GBF1: variants seen among roughly 807,000 people sequenced by gnomAD.
GBF1 encodes the protein Golgi-specific brefeldin A-resistance guanine nucleotide exchange factor 1.
A neutral mutation model predicts 210.5 loss-of-function variants in GBF1; 114 were observed. The observed-to-expected ratio is 0.54, with a 90% CI of 0.47 to 0.63. The LOEUF is 0.63. Among genes scored for constraint, GBF1 ranks in the 30% least tolerant of loss-of-function variants. The pLI is 0.00. For missense variants in GBF1, 1,851 were observed against 2,357.7 expected (o/e 0.79, Z 4.45); for synonymous variants, 850 against 889.2 (o/e 0.96, Z 0.78).
At chr10:102,241,854 G>C (rs1377613352), upstream of GBF1, among the ~76,000 whole-genome samples, 1 of 152,262 alleles carries the variant, frequency 6.6e-6, no homozygotes, top group East Asian at 1.9e-4. The surrounding 1 kb of genome is among the most constrained non-coding windows in gnomAD (Gnocchi z 6.7). Flanking sequence ...TGGCAGCGAA[G>C]TGGGTTGGGC....
At chr10:102,288,334 T>A (rs1390485421) in intron 3 of GBF1, among the ~76,000 whole-genome samples, 3 of 70,186 alleles carry the variant, frequency 4.3e-5, no homozygotes, top group Non-Finnish European at 7.7e-5. Context: ...AGATATATAA[T>A]GATATAATGA....
chr10:102,373,991 A>G (rs1589820358), intron 29 of GBF1, among the ~76,000 whole-genome samples: 1 of 152,224 alleles, frequency 6.6e-6, no homozygotes, highest in East Asian at 1.9e-4. Flanking sequence ...AGAAAAGCCA[A>G]TCTAAAAAGG....
intron 28 of GBF1, 99 bp from the exon 29 acceptor site, chr10:102,370,608 C>T (rs1237621313): frequency 3.0e-6 from 4 of 1,343,856 alleles, no homozygotes; most frequent in Non-Finnish European, 2.1e-6. Context: ...TACCTGTCTA[C>T]TTAGGGTATA....
intron 4 of GBF1, among the ~76,000 whole-genome samples, chr10:102,345,035 G>A (rs1051155451): frequency 6.6e-6 from 1 of 151,982 alleles, no homozygotes; most frequent in South Asian, 2.1e-4. Flanking sequence ...TGTAAGCCTA[G>A]CACTTTGGGT....
intron 3 of GBF1, among the ~76,000 whole-genome samples, chr10:102,286,973 A>G (rs1159748358): frequency 6.6e-6 from 1 of 152,120 alleles, no homozygotes; most frequent in Non-Finnish European, 1.5e-5. Context: ...GACTCTTCTG[A>G]TGGGGCCTTT....
intron 3 of GBF1, among the ~76,000 whole-genome samples, chr10:102,310,429 G>C (rs1477779331): frequency 6.6e-6 from 1 of 152,176 alleles, no homozygotes; most frequent in African/African-American, 2.4e-5. Context: ...GCCTGTATTA[G>C]TTGAGATTCC....
At chr10:102,339,424 T>C (rs1358725240) in intron 3 of GBF1, among the ~76,000 whole-genome samples, 2 of 150,622 alleles carry the variant, frequency 1.3e-5, no homozygotes, top group Non-Finnish European at 1.5e-5. Flanking sequence ...GCCAGCACTT[T>C]GGGAGGCTGA....
At chr10:102,367,390 T>G (rs2059973126) in intron 20 of GBF1, 88 bp from the exon 21 acceptor site, 1 of 1,148,952 alleles carries the variant, frequency 8.7e-7, no homozygotes, top group Non-Finnish European at 1.3e-6. Flanking sequence ...TACCTTTTCC[T>G]AAGTCCTATT....
intron 1 of GBF1, among the ~76,000 whole-genome samples, chr10:102,252,999 A>G (rs999673913): frequency 3.3e-5 from 5 of 151,968 alleles, no homozygotes; most frequent in African/African-American, 7.3e-5. Context: ...GGTTCAAGCA[A>G]TCCTCCTGCC....
Position 102,351,839 on chromosome 10 carries a change from A to G in GBF1, c.415-4A>G, listed in dbSNP as rs1292396810. ...TCACAGTAATTCCTTTTTCTTCCTG[A>G]TAGGTTCTACGGACTCTGCTGCTAA... On this transcript the variant is annotated splice_region_variant and splice_polypyrimidine_tract_variant and intron_variant, in intron 5 of 39. Transcript: ENST00000369983. The G allele has an allele frequency of 8.5e-6, 13 of 1,532,544 alleles. 1 individual carries two copies. The highest frequency in any genetic ancestry group is 1.2e-5 in the Non-Finnish European group (13 of 1,105,828). 94.9% of individuals were successfully genotyped at this position (1,532,544 alleles called of 1,614,324 possible).
At chr10:102,324,247 A>G (rs890454902) in intron 3 of GBF1, among the ~76,000 whole-genome samples, 3 of 152,170 alleles carry the variant, frequency 2.0e-5, no homozygotes, top group African/African-American at 7.2e-5. Flanking sequence ...GTCTTTTCTC[A>G]CACACTATGG....
In GBF1 at chr10:102,358,165, A is replaced by T; in HGVS notation, c.766A>T (p.Thr256Ser). 1 of 1,613,834 alleles carries T rather than the reference A, an allele frequency of 6.2e-7. No individual in the cohort carries two copies. Among genetic ancestry groups the T allele is most frequent in the Non-Finnish European group, 8.5e-7 (1 of 1,179,778 alleles). Residue 256 changes from threonine (T) to serine (S), a missense_variant, in exon 9 of 40, where the codon ACC (threonine) becomes TCC (serine). Thr to Ser is a moderately conservative substitution (Grantham distance 58, BLOSUM62 1). Around this residue, in one of 3 missense-constraint regions of GBF1, gnomAD observed 804 missense variants for 958.6 expected, o/e 0.84. Transcript: ENST00000369983. ...GSELPTPNGT[T>S]LSSNLTGGMP... The stretch of plus-strand genomic sequence containing the variant: ...AGAGCTGCCCACTCCCAATGGAACC[A>T]CCTTATCATCTAACCTCACTGGTGA...
At chr10:102,374,848 C>T (rs2060404731) in intron 29 of GBF1, among the ~76,000 whole-genome samples, 1 of 152,082 alleles carries the variant, frequency 6.6e-6, no homozygotes, top group Non-Finnish European at 1.5e-5. Context: ...TTTACAACTG[C>T]ATATGAGCCT....
chr10:102,382,333 C>A lies in GBF1; in HGVS notation c.5580C>A (p.Asn1860Lys). The A allele has an allele frequency of 6.2e-7, 1 of 1,604,804 alleles. No homozygotes were observed. The highest frequency in any genetic ancestry group is 8.5e-7 in the Non-Finnish European group (1 of 1,174,780). Residue 1860 changes from asparagine to lysine, a missense_variant, in exon 40 of 40, where the codon AAC becomes AAA. This residue lies in a region of GBF1 where 967 missense variants were observed against 1,247.7 expected (regional missense o/e 0.78). Transcript: ENST00000369983. ...ATCCCATACCCACCTCTGAGGTCAA[C>A]TAAGGCAGGTCACTCAGAGATCAGG... ...PTDPIPTSEV[N>K]
chr10:102,327,216 T>C (rs1436342298), intron 3 of GBF1, among the ~76,000 whole-genome samples: 2 of 152,212 alleles, frequency 1.3e-5, no homozygotes, highest in Non-Finnish European at 2.9e-5. Flanking sequence ...GCCACTGTGC[T>C]CTGGCAGCAG....
intron 3 of GBF1, among the ~76,000 whole-genome samples, chr10:102,294,069 T>C (rs1042492276): frequency 5.3e-5 from 8 of 151,912 alleles, no homozygotes. Flanking sequence ...TGAGCCACCA[T>C]GCCCGGGCTG....
rs1490211067 is a variant in GBF1, at chr10:102,370,187, A to G, written c.3353A>G (p.Glu1118Gly). 3 of 1,610,428 alleles carry G rather than the reference A, an allele frequency of 1.9e-6. No individual in the cohort carries two copies. Among genetic ancestry groups the G allele is most frequent in the Non-Finnish European group, 2.5e-6 (3 of 1,176,656 alleles). Residue 1118 changes from glutamate (E) to glycine (G), a missense_variant, in exon 27 of 40, where the codon GAA becomes GGA. Coordinates refer to ENST00000369983, the MANE Select transcript of GBF1 (RefSeq NM_001377137.1). ...ALECIKQCDP[E>G]KMITESKFLQ... ...TGCCCTCTCTAGCAATGTGACCCAG[A>G]AAAAATGATCACAGAAAGCAAGTTC...
intron 3 of GBF1, among the ~76,000 whole-genome samples, chr10:102,329,833 G>A (rs1187884788): frequency 6.6e-6 from 1 of 152,134 alleles, no homozygotes; most frequent in Non-Finnish European, 1.5e-5. Context: ...AATAGGCCAG[G>A]CACAGTGGCT....
At chr10:102,324,250 C>G (rs943944589) in intron 3 of GBF1, among the ~76,000 whole-genome samples, 6 of 152,180 alleles carry the variant, frequency 3.9e-5, no homozygotes, top group Non-Finnish European at 5.9e-5. Flanking sequence ...TTTTCTCACA[C>G]ACTATGGACG....
Sources: allele counts gnomAD v4.1 joint callset (sites outside exome capture counted in the v4.1 genomes callset), GRCh38; gene constraint gnomAD v4.1.1; regional missense constraint gnomAD v4.1.1; non-coding constraint Gnocchi (gnomAD v3.1); transcripts MANE v1.5; gene names NCBI Gene and HGNC (gene_info 2026-07-23, HGNC 2026-07-21).